The following USP42 variants were observed in gnomAD, a reference collection of about 807,000 sequenced individuals.
USP42 encodes the protein ubiquitin specific peptidase 42.
Under a neutral mutation model 113.0 loss-of-function variants are expected in USP42, and 23 were observed. That is an observed-to-expected ratio of 0.20 (90% CI 0.15 to 0.29). The LOEUF is 0.29. USP42 is among the 10% of genes least tolerant of loss of function. The pLI is 1.00. For missense variants in USP42, 2,174 were observed against 1,779.8 expected, an observed-to-expected ratio of 1.22 and a Z score of -3.99; for synonymous variants, 933 against 699.0, an observed-to-expected ratio of 1.33 and a Z score of -5.28.
At chr7:6,144,792 C>G (rs929734582) in intron 9 of USP42, among the ~76,000 whole-genome samples, 1 of 151,678 alleles carries the variant, frequency 6.6e-6, no homozygotes, top group African/African-American at 2.4e-5. Flanking sequence ...ATCGCTTGAA[C>G]CTAGGAGGCA....
chr7:6,087,498 G>A, the USP42 span, among the ~76,000 whole-genome samples: 1 of 149,848 alleles, frequency 6.7e-6, no homozygotes, highest in African/African-American at 2.5e-5. Flanking sequence ...CACTGCGCCT[G>A]TCTCATTTTA....
the USP42 span, among the ~76,000 whole-genome samples, chr7:6,098,381 C>G: frequency 1.3e-5 from 2 of 150,030 alleles, no homozygotes; most frequent in Non-Finnish European, 3.0e-5. Context: ...CCCGTAGTAT[C>G]CATTCCCGGG....
chr7:6,157,044 A>G lies in USP42; in HGVS notation c.3932A>G (p.Glu1311Gly), dbSNP rs1247107297. ...AGGGATGACAGGTGTCGTCTCTTTG[A>G]GTATGGCCAGGGTAAGAGGAGATAC... ...ESRDDRCRLF[E>G]YGQGD Residue 1311 changes from glutamate (E) to glycine (G), a missense_variant, in exon 16 of 18, where the codon GAG becomes GGG. By Grantham distance (98) the Glu-to-Gly change is moderately conservative. Transcript: ENST00000306177. The surrounding 1 kb of genome is among the most constrained non-coding windows in gnomAD (Gnocchi z 4.1). 6.2e-7 allele frequency: 1 copy of G among 1,603,942 alleles called. No individual in the cohort carries two copies. The highest frequency in any genetic ancestry group is 8.5e-7 in the Non-Finnish European group (1 of 1,176,542).
At chr7:6,122,468 G>T (rs142270482) in intron 3 of USP42, among the ~76,000 whole-genome samples, 5 of 150,446 alleles carry the variant, frequency 3.3e-5, no homozygotes, top group Non-Finnish European at 3.0e-5. Context: ...TTGTTTTTTT[G>T]TTTGTTTGTT....
Position 6,157,338 on chromosome 7 carries a change from G to C in USP42, c.3943+283G>C. ...CTGGAACGTACAGCTCTAGGCATCT[G>C]ACTTTGCCTTGCAAAGGACCAGAAC... On this transcript the variant is annotated intron_variant, in intron 16 of 17. Transcript: ENST00000306177. The surrounding 1 kb of genome is among the most constrained non-coding windows in gnomAD (Gnocchi z 4.1). 2 of 1,094,246 alleles carry C rather than the reference G, an allele frequency of 1.8e-6. No individual in the cohort carries two copies. Among genetic ancestry groups the C allele is most frequent in the Non-Finnish European group, 2.2e-6 (2 of 900,842 alleles). 67.8% of individuals were successfully genotyped at this position (1,094,246 alleles called of 1,614,324 possible).
the USP42 span, among the ~76,000 whole-genome samples, chr7:6,091,984 CTTCT>C: frequency 1.5e-4 from 5 of 33,150 alleles, no homozygotes; most frequent in Admixed American, 1.4e-3. Flanking sequence ...ATTTTTTCTT[CTTCT>C]TCTTCTTCTT....
At chr7:6,096,973 G>A in the USP42 span, among the ~76,000 whole-genome samples, 9 of 149,842 alleles carry the variant, frequency 6.0e-5, no homozygotes, top group Non-Finnish European at 1.0e-4. Flanking sequence ...ATCCATGCTG[G>A]AGTGCTGTGG....
At chr7:6,085,617 TA>T in the USP42 span, among the ~76,000 whole-genome samples, 75 of 136,530 alleles carry the variant, frequency 5.5e-4, 2 homozygotes, top group East Asian at 1.6e-3. Context: ...TATATATATA[TA>T]TATATATTTT....
chr7:6,119,515 C>G (rs1780096449), intron 3 of USP42, among the ~76,000 whole-genome samples: 1 of 152,114 alleles, frequency 6.6e-6, no homozygotes, highest in East Asian at 1.9e-4. Context: ...GTTGCTTGGC[C>G]ATTTGTATTT....
chr7:6,105,759 G>T (rs1175470015), intron 1 of USP42, among the ~76,000 whole-genome samples: 1 of 152,172 alleles, frequency 6.6e-6, no homozygotes, highest in Non-Finnish European at 1.5e-5. Context: ...TACCTGGAAC[G>T]GGGGATCCGT....
chr7:6,123,135 C>G (rs1780329307), intron 3 of USP42, among the ~76,000 whole-genome samples: 1 of 152,090 alleles, frequency 6.6e-6, no homozygotes, highest in Non-Finnish European at 1.5e-5. Context: ...CTGTTATGCC[C>G]TCTTGATGAA....
chr7:6,111,116 C>G lies in USP42; in HGVS notation c.-9-9C>G, dbSNP rs371197837. The stretch of plus-strand genomic sequence containing the variant: ...GATGAAACAAATACATACTTTTCAT[C>G]TTTTGCAGAGTTGAACAATGACCAT... On this transcript the variant is annotated splice_polypyrimidine_tract_variant and intron_variant, in intron 1 of 17. Coordinates refer to ENST00000306177, the MANE Select transcript of USP42 (RefSeq NM_032172.3). 15 of 1,602,954 alleles carry G rather than the reference C, an allele frequency of 9.4e-6. No homozygotes were observed. The African/African-American group carries it at 1.5e-4, about 16-fold the overall frequency.
Position 6,122,556 on chromosome 7 carries a change from C to T in USP42, c.442+7033C>T, listed in dbSNP as rs369884382. Among the ~76,000 whole-genome samples the T allele has an allele frequency of 4.1e-3, 613 of 150,860 alleles. 2 individuals are homozygous for T. Among genetic ancestry groups the T allele is most frequent in the African/African-American group, 0.014 (586 of 40,996 alleles). ...GTGATCTCGGCTCAACTGCAACCTG[C>T]GCCTCATGGGTTCAAGCGATTCTCC... On this transcript the variant is annotated intron_variant, in intron 3 of 17. Coordinates refer to ENST00000306177, the MANE Select transcript of USP42 (RefSeq NM_032172.3).
chr7:6,146,597 C>T (rs891521476), intron 11 of USP42, among the ~76,000 whole-genome samples: 1 of 151,894 alleles, frequency 6.6e-6, no homozygotes, highest in Non-Finnish European at 1.5e-5. Flanking sequence ...CTGGGGAGGC[C>T]GAGGCTGCAG....
At chr7:6,092,665 T>TC in the USP42 span, among the ~76,000 whole-genome samples, 1 of 151,218 alleles carries the variant, frequency 6.6e-6, no homozygotes, top group Non-Finnish European at 1.5e-5. Context: ...AGGCACAGCA[T>TC]CTCCAATGAC....
At chr7:6,092,017 CTTCTTCTTCT>C in the USP42 span, among the ~76,000 whole-genome samples, 55 of 104,738 alleles carry the variant, frequency 5.3e-4, 2 homozygotes, top group African/African-American at 1.9e-3. Flanking sequence ...TCTTCTTCTT[CTTCTTCTTCT>C]TCTTCTTCTT....
At chr7:6,111,413 C>A in intron 2 of USP42, 39 bp downstream of exon 2, 1 of 1,598,988 alleles carries the variant, frequency 6.3e-7, no homozygotes, top group Non-Finnish European at 8.5e-7. Context: ...GCCAGAAACT[C>A]CTGTGTAAAT....
At chr7:6,124,178 C>T (rs1780393781) in intron 3 of USP42, among the ~76,000 whole-genome samples, 1 of 151,648 alleles carries the variant, frequency 6.6e-6, no homozygotes, top group African/African-American at 2.4e-5. Flanking sequence ...GCCCAGCCCA[C>T]TCCAGTTTTC....
At chr7:6,131,018 A>G in intron 3 of USP42, among the ~76,000 whole-genome samples, 1 of 152,084 alleles carries the variant, frequency 6.6e-6, no homozygotes, top group Non-Finnish European at 1.5e-5. Flanking sequence ...CCCTGAGATG[A>G]TTAGGGCAGA....
Sources: allele counts gnomAD v4.1 joint callset (sites outside exome capture counted in the v4.1 genomes callset), GRCh38; gene constraint gnomAD v4.1.1; non-coding constraint Gnocchi (gnomAD v3.1); transcripts MANE v1.5; gene names NCBI Gene and HGNC (gene_info 2026-07-23, HGNC 2026-07-21).